Variants in QKI observed in about 807,000 individuals in gnomAD.
The protein encoded by QKI is KH domain-containing RNA-binding protein QKI.
In QKI, 10 loss-of-function variants were observed where a neutral mutation model predicts 39.0. The observed-to-expected ratio is 0.26, with a 90% CI of 0.16 to 0.43. The LOEUF (loss-of-function observed/expected upper bound fraction) is 0.43, where lower values mean the gene tolerates loss of function less well. Among genes scored for constraint, QKI ranks in the 20% least tolerant of loss-of-function variants. The probability of loss-of-function intolerance (pLI) is 1.00; values close to 1 mark genes in which losing one functional copy is unlikely to be tolerated. For synonymous variants in QKI, 204 were observed against 155.4 expected (o/e 1.31, Z -2.33); for missense variants, 218 against 428.0 (o/e 0.51, Z 4.33).
At chr6:163,443,277 TA>T (rs1240015083) in intron 1 of QKI, among the ~76,000 whole-genome samples, 37 of 152,322 alleles carry the variant, frequency 2.4e-4, no homozygotes, top group African/African-American at 8.7e-4. Flanking sequence ...CTTAAGCCTT[TA>T]AAAAACTCTT....
Position 163,455,263 on chromosome 6 carries a change from T to G in QKI, c.143-16T>G. On this transcript the variant is annotated splice_polypyrimidine_tract_variant and intron_variant, in intron 1 of 7. Coordinates refer to ENST00000361752, the MANE Select transcript of QKI (RefSeq NM_006775.3). ...TTTTTTTTGTCTAACACATTTAAAA[T>G]TTTTACTTTTAACAGAAATTAGCAG... 6.3e-7 allele frequency: 1 copy of G among 1,595,388 alleles called. No homozygotes were observed. The highest frequency in any genetic ancestry group is 8.5e-7 in the Non-Finnish European group (1 of 1,170,934).
intron 7 of QKI, 176 bp downstream of exon 7, chr6:163,566,971 G>A: frequency 7.3e-7 from 1 of 1,361,774 alleles, no homozygotes; most frequent in Non-Finnish European, 9.4e-7. Flanking sequence ...GTTTTGGTTT[G>A]GTTTTTTCTC....
At chr6:163,416,348 G>T (rs749471886) in intron 1 of QKI, 20 of 160,174 alleles carry the variant, frequency 1.2e-4, no homozygotes, top group Non-Finnish European at 2.6e-4. Flanking sequence ...GTAGCTGTGG[G>T]TTTCTGTGGA....
chr6:163,547,915 A>T (rs1781989138), intron 4 of QKI, among the ~76,000 whole-genome samples: 1 of 152,066 alleles, frequency 6.6e-6, no homozygotes, highest in South Asian at 2.1e-4. Flanking sequence ...ACTTTCTATC[A>T]CCCCATGGTA....
intron 1 of QKI, among the ~76,000 whole-genome samples, chr6:163,431,666 A>G (rs1335111888): frequency 6.6e-6 from 1 of 152,132 alleles, no homozygotes; most frequent in East Asian, 1.9e-4. Flanking sequence ...ATTTTAATCT[A>G]TTAATAGAAT....
chr6:163,446,071 C>A (rs1195574675), intron 1 of QKI, among the ~76,000 whole-genome samples: 1 of 152,156 alleles, frequency 6.6e-6, no homozygotes, highest in Non-Finnish European at 1.5e-5. Context: ...GCTATCCTTT[C>A]ATATTTTTGC....
intron 1 of QKI, among the ~76,000 whole-genome samples, chr6:163,446,977 C>T (rs1425195546): frequency 3.3e-5 from 5 of 152,050 alleles, no homozygotes; most frequent in Admixed American, 6.6e-5. Context: ...TTCTTTCACA[C>T]GCTATTAAAA....
chr6:163,493,550 A>G (rs561307916), intron 3 of QKI, among the ~76,000 whole-genome samples: 1 of 152,330 alleles, frequency 6.6e-6, no homozygotes, highest in East Asian at 1.9e-4. Context: ...GAATATCTGT[A>G]CTTTATCATT....
intron 3 of QKI, among the ~76,000 whole-genome samples, chr6:163,511,929 A>T (rs956881049): frequency 7.2e-5 from 11 of 151,768 alleles, no homozygotes; most frequent in Admixed American, 7.2e-4. Flanking sequence ...TTCTTCATGG[A>T]TATAGATGTA....
chr6:163,559,795 T>C (rs1360635127), intron 4 of QKI, among the ~76,000 whole-genome samples: 1 of 152,224 alleles, frequency 6.6e-6, no homozygotes, highest in African/African-American at 2.4e-5. Flanking sequence ...TTGTGTGTCA[T>C]TACAGCTATA....
chr6:163,479,043 T>TG (rs1792855198), intron 3 of QKI, 147 bp downstream of exon 3: 1 of 592,332 alleles, frequency 1.7e-6, no homozygotes, highest in Admixed American at 3.4e-5. Context: ...CCCAGCACTT[T>TG]GGGAGGCCGA....
intron 1 of QKI, among the ~76,000 whole-genome samples, chr6:163,433,283 C>G (rs945845750): frequency 6.6e-5 from 10 of 152,076 alleles, no homozygotes; most frequent in Admixed American, 2.6e-4. Flanking sequence ...TATTTAAAGA[C>G]AGATGGCTTG....
intron 3 of QKI, among the ~76,000 whole-genome samples, chr6:163,514,449 A>T: frequency 6.6e-6 from 1 of 152,186 alleles, no homozygotes; most frequent in East Asian, 1.9e-4. Flanking sequence ...TTCTGGTGGA[A>T]TTTAATGAAT....
chr6:163,505,303 A>G (rs911795546), intron 3 of QKI, among the ~76,000 whole-genome samples: 1 of 152,188 alleles, frequency 6.6e-6, no homozygotes, highest in East Asian at 1.9e-4. Flanking sequence ...CAGAGTCCCC[A>G]CTGGGTCATG....
chr6:163,472,707 G>A (rs1792292989), intron 2 of QKI, among the ~76,000 whole-genome samples: 1 of 152,090 alleles, frequency 6.6e-6, no homozygotes, highest in Admixed American at 6.6e-5. Context: ...ACTGTAGGAA[G>A]CTAAAAATCA....
intron 1 of QKI, among the ~76,000 whole-genome samples, chr6:163,439,891 C>T (rs896030353): frequency 6.6e-6 from 1 of 152,094 alleles, no homozygotes; most frequent in African/African-American, 2.4e-5. Flanking sequence ...CTCAAGTGAT[C>T]TGCCTGCCTT....
intron 7 of QKI, chr6:163,570,328 T>G (rs1350834275): frequency 9.2e-6 from 9 of 983,202 alleles, no homozygotes; most frequent in Non-Finnish European, 1.1e-5. Flanking sequence ...CTGCACTGAC[T>G]GTTTAAAAAT....
intron 2 of QKI, among the ~76,000 whole-genome samples, chr6:163,462,452 C>T (rs146679626): frequency 0.018 from 2,739 of 152,100 alleles, 29 homozygotes; most frequent in Non-Finnish European, 0.023. Context: ...ATAATATTTT[C>T]TTTATTATTT....
chr6:163,468,209 A>C (rs534531031), intron 2 of QKI, among the ~76,000 whole-genome samples: 3 of 152,254 alleles, frequency 2.0e-5, no homozygotes, highest in South Asian at 4.1e-4. Context: ...ATAATGAAAG[A>C]TTTGTAAGGC....
Sources: gnomAD v4.1 joint callset for allele counts (sites outside exome capture counted in the v4.1 genomes callset) on GRCh38, gnomAD v4.1.1 for gene constraint, MANE v1.5 for transcripts, NCBI Gene and HGNC (gene_info 2026-07-23, HGNC 2026-07-21) for gene names.